MALRD1: variants seen among roughly 807,000 people sequenced by gnomAD.
MALRD1 encodes MAM and LDL receptor class A domain containing 1, also known as MAM and LDL-receptor class A domain-containing protein 1.
MALRD1 carries 247 observed loss-of-function variants against 242.1 expected under a neutral mutation model. The observed-to-expected ratio is 1.02, with a 90% CI of 0.92 to 1.13. The LOEUF is 1.13. Ranked by LOEUF, MALRD1 falls within the 50% of genes most tolerant of loss-of-function variation. The pLI is 0.00. For missense variants in MALRD1, 2,989 were observed against 2,533.1 expected (o/e 1.18, Z -3.86); for synonymous variants, 995 against 866.6 (o/e 1.15, Z -2.60).
rs185908871 is a variant in MALRD1, at chr10:19,173,403, A to G, written c.1831-1805A>G. On this transcript the variant is annotated intron_variant, in intron 13 of 39. Coordinates refer to ENST00000454679, the MANE Select transcript of MALRD1 (RefSeq NM_001142308.3). ...ATTTGTCATCAAAACCAGCACTGAAATAAACATTCCTGCACAAGCCTTCAT... is the reference window on the plus strand; with the variant it reads ...ATTTGTCATCAAAACCAGCACTGAAGTAAACATTCCTGCACAAGCCTTCAT... 1.5e-3 allele frequency among the ~76,000 whole-genome samples: 228 copies of G among 152,282 alleles called. 2 individuals are homozygous for G. The highest frequency in any genetic ancestry group is 5.3e-3 in the African/African-American group (219 of 41,564).
intron 34 of MALRD1, 27 bp from the exon 35 acceptor site, chr10:19,607,750 C>A: frequency 2.6e-6 from 4 of 1,542,102 alleles, no homozygotes; most frequent in Non-Finnish European, 3.5e-6. Context: ...GCTGGCATCC[C>A]TGATCATTAT....
chr10:19,180,649 C>T (rs1385112865), intron 14 of MALRD1, among the ~76,000 whole-genome samples: 3 of 152,190 alleles, frequency 2.0e-5, no homozygotes, highest in African/African-American at 4.8e-5. Flanking sequence ...AACTCCTTGA[C>T]ATTAGAGTTG....
chr10:19,149,798 C>A (rs186927813), intron 11 of MALRD1, among the ~76,000 whole-genome samples: 1 of 152,270 alleles, frequency 6.6e-6, no homozygotes, highest in East Asian at 1.9e-4. Context: ...TAAAACAATT[C>A]TATTCCTGCC....
intron 26 of MALRD1, among the ~76,000 whole-genome samples, chr10:19,352,788 AC>A (rs1844448093): frequency 2.0e-5 from 3 of 152,284 alleles, no homozygotes; most frequent in Admixed American, 2.0e-4. Context: ...ACCTAAAATA[AC>A]TTTTGATAAT....
intron 31 of MALRD1, among the ~76,000 whole-genome samples, chr10:19,515,295 A>G (rs1403972815): frequency 6.6e-6 from 1 of 152,184 alleles, no homozygotes; most frequent in Non-Finnish European, 1.5e-5. Context: ...CAAACAACTG[A>G]GCTATATCAC....
chr10:19,123,148 T>G (rs1230067657), intron 5 of MALRD1, among the ~76,000 whole-genome samples: 1 of 152,214 alleles, frequency 6.6e-6, no homozygotes, highest in Admixed American at 6.5e-5. Context: ...GTCCTTCAAA[T>G]AGTAGACTCT....
intron 12 of MALRD1, among the ~76,000 whole-genome samples, chr10:19,165,255 A>C (rs1267608270): frequency 9.1e-6 from 1 of 110,296 alleles, no homozygotes; most frequent in Non-Finnish European, 1.8e-5. Context: ...ATATATATAT[A>C]TATATATATA....
At chr10:19,369,602 CATAA>C (rs1198121265) in intron 26 of MALRD1, among the ~76,000 whole-genome samples, 1 of 146,226 alleles carries the variant, frequency 6.8e-6, no homozygotes, top group Non-Finnish European at 1.5e-5. Context: ...AATATAGCCG[CATAA>C]ATATATTTAA....
intron 19 of MALRD1, among the ~76,000 whole-genome samples, chr10:19,275,163 G>A (rs1034587670): frequency 2.6e-5 from 4 of 152,046 alleles, no homozygotes; most frequent in African/African-American, 9.7e-5. Flanking sequence ...AGTCTTAGTG[G>A]TGGAGTCATG....
chr10:19,336,090 C>T (rs1843601143), intron 24 of MALRD1, among the ~76,000 whole-genome samples: 1 of 152,100 alleles, frequency 6.6e-6, no homozygotes, highest in Non-Finnish European at 1.5e-5. Context: ...CTTTAATTAT[C>T]TGTATATCAG....
chr10:19,080,787 G>A (rs1835463284), intron 2 of MALRD1, among the ~76,000 whole-genome samples: 1 of 151,956 alleles, frequency 6.6e-6, no homozygotes, highest in African/African-American at 2.4e-5. Flanking sequence ...TTAAACTAAA[G>A]AGATTCTGCA....
chr10:19,223,203 C>T (rs1837640351), intron 18 of MALRD1, among the ~76,000 whole-genome samples: 1 of 151,998 alleles, frequency 6.6e-6, no homozygotes, highest in South Asian at 2.1e-4. Flanking sequence ...ATTCGAGGGC[C>T]TCCCAGAATT....
chr10:19,395,345 A>G (rs1846529362), intron 28 of MALRD1, among the ~76,000 whole-genome samples: 1 of 152,212 alleles, frequency 6.6e-6, no homozygotes, highest in South Asian at 2.1e-4. Flanking sequence ...ATGAGACATC[A>G]ATCAACATAT....
At chr10:19,430,082 G>A (rs909104085) in intron 28 of MALRD1, among the ~76,000 whole-genome samples, 1 of 128,706 alleles carries the variant, frequency 7.8e-6, no homozygotes, top group African/African-American at 2.9e-5. Context: ...CCGCTTCTTG[G>A]TTTCTTTGCT....
At chr10:19,708,033 A>T (rs140100539) in intron 38 of MALRD1, among the ~76,000 whole-genome samples, 1,734 of 119,016 alleles carry the variant, frequency 0.015, 306 homozygotes, top group East Asian at 0.042. Context: ...ATATTTTCTC[A>T]TTTAATACAG....
At chr10:19,722,955 T>G (rs1394336586) in intron 38 of MALRD1, among the ~76,000 whole-genome samples, 2 of 152,186 alleles carry the variant, frequency 1.3e-5, no homozygotes, top group African/African-American at 4.8e-5. Flanking sequence ...CAGTGCAATG[T>G]TTAGTACGTA....
At chr10:19,164,581 A>T (rs968065187) in intron 12 of MALRD1, among the ~76,000 whole-genome samples, 1 of 152,190 alleles carries the variant, frequency 6.6e-6, no homozygotes, top group East Asian at 1.9e-4. Flanking sequence ...AGGCAAAAAC[A>T]TTTGACTGCA....
chr10:19,125,354 TTTCTTTCTTTCTTTCTTTCTTTCTTTCC>T lies in MALRD1; in HGVS notation c.943+688_943+715del, dbSNP rs1313073511. On this transcript the variant is annotated intron_variant, in intron 7 of 39. Transcript: ENST00000454679. ...CTTTCTTTCTTTCTTTCTTTCTTTC[TTTCTTTCTTTCTTTCTTTCTTTCTTTCC>T]TTCCTTCCTTCCTTCCTTCCATCCA... Among the ~76,000 whole-genome samples the T allele has an allele frequency of 8.7e-4, 98 of 112,850 alleles. 1 individual carries two copies. The South Asian group carries it at 0.014, about 16-fold the overall frequency. 74.0% of individuals were successfully genotyped at this position (112,850 alleles called of 152,430 possible).
chr10:19,401,722 A>T (rs1846855321), intron 28 of MALRD1, among the ~76,000 whole-genome samples: 1 of 152,132 alleles, frequency 6.6e-6, no homozygotes, highest in African/African-American at 2.4e-5. Flanking sequence ...GATCACAGAG[A>T]ATAAAGCATA....
Sources: gnomAD v4.1 joint callset for allele counts (sites outside exome capture counted in the v4.1 genomes callset) on GRCh38, gnomAD v4.1.1 for gene constraint, MANE v1.5 for transcripts, NCBI Gene and HGNC (gene_info 2026-07-23, HGNC 2026-07-21) for gene names.